MYO1B: variants seen among roughly 807,000 people sequenced by gnomAD.
The protein encoded by MYO1B is myosin IB.
A neutral mutation model predicts 159.7 loss-of-function variants in MYO1B; 72 were observed. The observed-to-expected ratio is 0.45, with a 90% confidence interval of 0.37 to 0.55. MYO1B has a LOEUF of 0.55. MYO1B is among the 20% of genes least tolerant of loss of function. The pLI, the probability that MYO1B is intolerant of heterozygous loss-of-function variation, is 0.00. For synonymous variants in MYO1B, 468 were observed against 473.8 expected (o/e 0.99, Z 0.16); for missense variants, 1,062 against 1,364.8 (o/e 0.78, Z 3.50).
chr2:191,392,150 G>A lies in MYO1B; in HGVS notation c.2025G>A (p.Val675=), dbSNP rs1260833564. The A allele has an allele frequency of 7.5e-6, 12 of 1,608,766 alleles. No homozygotes were observed. In the East Asian group the frequency reaches 2.7e-4, roughly 36 times the overall value. ...EVLFNELEIP[V]EEYSFGRSKI... ...TATTTAATGAATTAGAAATTCCCGT[G>A]GAAGAATACTCCTTTGGTAGATCAA... Residue 675 remains valine (V), a synonymous_variant, in exon 19 of 31, where the codon GTG becomes GTA. Transcript: ENST00000392318.
chr2:191,363,317 G>C (rs1693792034), intron 9 of MYO1B, among the ~76,000 whole-genome samples: 1 of 152,064 alleles, frequency 6.6e-6, no homozygotes, highest in African/African-American at 2.4e-5. Flanking sequence ...ATCTTGGGCT[G>C]GGCTCTTCAC....
intron 3 of MYO1B, among the ~76,000 whole-genome samples, chr2:191,322,189 T>G (rs1288766068): frequency 6.6e-6 from 1 of 152,140 alleles, no homozygotes; most frequent in Middle Eastern, 3.2e-3. Context: ...CCTAGGGCAT[T>G]TCTAGGTACT....
intron 22 of MYO1B, 92 bp from the exon 23 acceptor site, chr2:191,400,657 C>T: frequency 6.9e-7 from 1 of 1,439,172 alleles, no homozygotes; most frequent in Non-Finnish European, 9.6e-7. Flanking sequence ...TTGGTGGTGA[C>T]TAGTGTCTCT....
intron 17 of MYO1B, 136 bp from the exon 18 acceptor site, chr2:191,390,156 A>G: frequency 1.3e-6 from 1 of 763,744 alleles, no homozygotes; most frequent in Middle Eastern, 3.3e-4. Flanking sequence ...AAATAATTTC[A>G]AAAGTAATGA....
intron 8 of MYO1B, among the ~76,000 whole-genome samples, chr2:191,361,592 G>T (rs912618971): frequency 2.0e-5 from 3 of 150,284 alleles, no homozygotes; most frequent in Non-Finnish European, 3.0e-5. Flanking sequence ...TATATATGTA[G>T]ATATATAATA....
At chr2:191,293,790 A>G (rs548372238) in intron 2 of MYO1B, among the ~76,000 whole-genome samples, 11 of 152,284 alleles carry the variant, frequency 7.2e-5, no homozygotes, top group Admixed American at 2.0e-4. Flanking sequence ...TGTAGAATGC[A>G]TAATCATCTG....
chr2:191,261,395 A>G (rs1330284288), intron 1 of MYO1B, among the ~76,000 whole-genome samples: 1 of 152,196 alleles, frequency 6.6e-6, no homozygotes, highest in Non-Finnish European at 1.5e-5. Context: ...AAATAAAAGT[A>G]TCCTCACTGA....
intron 28 of MYO1B, 76 bp downstream of exon 28, chr2:191,414,256 A>T: frequency 6.6e-7 from 1 of 1,515,522 alleles, no homozygotes; most frequent in Non-Finnish European, 8.9e-7. Flanking sequence ...TGAATGTAAA[A>T]ATTTGCATTT....
chr2:191,396,489 G>A lies in MYO1B; in HGVS notation c.2287G>A (p.Gly763Ser). 1 of 1,614,060 alleles carries A rather than the reference G, an allele frequency of 6.2e-7. No individual in the cohort carries two copies. The highest frequency in any genetic ancestry group is 8.5e-7 in the Non-Finnish European group (1 of 1,179,972). ...SALVIQSYIR[G>S]WKARKILREL... ...CTTAGTAATTCAGTCTTATATCCGG[G>A]GTTGGAAGGTGAGTTTAAAAGAAGT... is the stretch of plus-strand genomic sequence containing the variant. The change falls in exon 21 of 31, where the codon GGT (glycine) becomes AGT (serine). Residue 763 changes from glycine (G) to serine (S), a missense_variant. Gly to Ser is a moderately conservative substitution (Grantham distance 56, BLOSUM62 0). Coordinates refer to ENST00000392318, the MANE Select transcript of MYO1B (RefSeq NM_001130158.3).
intron 9 of MYO1B, among the ~76,000 whole-genome samples, chr2:191,362,724 T>G (rs1482868296): frequency 6.6e-6 from 1 of 152,222 alleles, no homozygotes; most frequent in Non-Finnish European, 1.5e-5. Context: ...CAAAACTATT[T>G]TTGAGACAGA....
intron 26 of MYO1B, among the ~76,000 whole-genome samples, chr2:191,409,891 A>G (rs1174910986): frequency 6.6e-6 from 1 of 152,238 alleles, no homozygotes; most frequent in Admixed American, 6.5e-5. Flanking sequence ...ATGTAATAAA[A>G]TCATGAGATG....
intron 1 of MYO1B, among the ~76,000 whole-genome samples, chr2:191,265,951 TG>T (rs1312459303): frequency 2.0e-5 from 3 of 150,336 alleles, no homozygotes; most frequent in African/African-American, 7.3e-5. Context: ...TTGTGGCAGG[TG>T]GGGGGTCCAT....
chr2:191,297,507 A>G (rs995804556), intron 3 of MYO1B, among the ~76,000 whole-genome samples: 5 of 152,186 alleles, frequency 3.3e-5, no homozygotes, highest in Admixed American at 6.5e-5. Flanking sequence ...CACCATTGCT[A>G]TTACTTTTTC....
intron 3 of MYO1B, among the ~76,000 whole-genome samples, chr2:191,308,900 G>A (rs1689814157): frequency 6.6e-6 from 1 of 152,178 alleles, no homozygotes; most frequent in Admixed American, 6.5e-5. Context: ...ACATTTTCCT[G>A]TCTTTCCCCC....
intron 1 of MYO1B, among the ~76,000 whole-genome samples, chr2:191,270,501 A>G (rs956771800): frequency 6.6e-6 from 1 of 152,186 alleles, no homozygotes; most frequent in African/African-American, 2.4e-5. Context: ...ACACCATGCC[A>G]GCAGCACAAC....
At chr2:191,288,886 G>A (rs1688537367) in intron 2 of MYO1B, among the ~76,000 whole-genome samples, 1 of 152,172 alleles carries the variant, frequency 6.6e-6, no homozygotes, top group African/African-American at 2.4e-5. Flanking sequence ...ATACTTTAGA[G>A]GCAAAAGTAA....
intron 13 of MYO1B, among the ~76,000 whole-genome samples, chr2:191,371,923 A>G (rs1458505565): frequency 4.6e-5 from 7 of 152,210 alleles, no homozygotes; most frequent in Non-Finnish European, 5.9e-5. Context: ...AAAGCTACCA[A>G]TTTCTTGGTA....
intron 17 of MYO1B, chr2:191,387,719 C>T: frequency 2.2e-6 from 1 of 455,316 alleles, no homozygotes; most frequent in South Asian, 3.3e-5. Context: ...TTTCAACTTT[C>T]TGTATGTTTA....
chr2:191,276,516 A>G (rs998427375), intron 1 of MYO1B, among the ~76,000 whole-genome samples: 3 of 152,208 alleles, frequency 2.0e-5, no homozygotes, highest in Non-Finnish European at 2.9e-5. Flanking sequence ...AGGTTCATAT[A>G]GTCTGACATT....
Sources: allele counts gnomAD v4.1 joint callset (sites outside exome capture counted in the v4.1 genomes callset), GRCh38; gene constraint gnomAD v4.1.1; transcripts MANE v1.5; gene names NCBI Gene and HGNC (gene_info 2026-07-23, HGNC 2026-07-21).